Variants in PRTG observed in about 807,000 individuals in gnomAD.
PRTG encodes the protein immunoglobulin superfamily, DCC subclass, member 5.
PRTG carries 67 observed loss-of-function variants against 122.5 expected under a neutral mutation model. The observed-to-expected ratio is 0.55, with a 90% confidence interval of 0.45 to 0.67. The LOEUF (loss-of-function observed/expected upper bound fraction) is 0.67. PRTG is among the 30% of genes least tolerant of loss of function. The pLI, the probability that PRTG is intolerant of heterozygous loss-of-function variation, is 0.00. For synonymous variants in PRTG, 554 were observed against 501.1 expected (o/e 1.11, Z -1.41); for missense variants, 1,435 against 1,415.4 (o/e 1.01, Z -0.22).
chr15:55,637,094 A>C, intron 15 of PRTG, 76 bp downstream of exon 15: 82 of 1,157,434 alleles, frequency 7.1e-5, no homozygotes, highest in Middle Eastern at 3.2e-4. Flanking sequence ...AATAAACTCT[A>C]GATTCCCCTT....
chr15:55,633,139 T>C (rs552378611), intron 15 of PRTG, among the ~76,000 whole-genome samples: 60 of 152,330 alleles, frequency 3.9e-4, no homozygotes, highest in African/African-American at 1.2e-3. Context: ...AATTCATGAA[T>C]TGCTGAGACA....
intron 1 of PRTG, chr15:55,742,539 A>C: frequency 2.9e-6 from 1 of 339,436 alleles, no homozygotes; most frequent in East Asian, 4.8e-5. Flanking sequence ...GAGAAGGAAG[A>C]GACCAGAGTG....
chr15:55,716,299 T>C (rs1281081918), intron 2 of PRTG, among the ~76,000 whole-genome samples: 8 of 152,186 alleles, frequency 5.3e-5, no homozygotes, highest in African/African-American at 1.9e-4. Flanking sequence ...AATAAAATTA[T>C]ATATCAATCA....
chr15:55,677,973 C>A lies in PRTG; in HGVS notation c.1205G>T (p.Gly402Val). Residue 402 changes from glycine (G) to valine (V), a missense_variant, in exon 8 of 20, where the codon GGA becomes GTA. Transcript: ENST00000389286. ...IYQCMAENSQ[G>V]SILSRARLTV... ...CAGTCTGGCTCTAGATAAAATAGAT[C>A]CTTGGCTATTCTCAGCCATGCACTG... 1.2e-6 allele frequency: 2 copies of A among 1,611,736 alleles called. No individual in the cohort carries two copies. The highest frequency in any genetic ancestry group is 1.1e-5 in the South Asian group (1 of 91,036).
chr15:55,734,436 C>T (rs1433410995), intron 2 of PRTG, among the ~76,000 whole-genome samples: 1 of 152,006 alleles, frequency 6.6e-6, no homozygotes, highest in African/African-American at 2.4e-5. Context: ...AATATTGCTT[C>T]AAGAAGTAAG....
Position 55,675,654 on chromosome 15 carries a change from T to A in PRTG, c.1411A>T (p.Ile471Phe). The A allele has an allele frequency of 6.3e-7, 1 of 1,585,264 alleles. No homozygotes were observed. Among genetic ancestry groups the A allele is most frequent in the African/African-American group, 1.3e-5 (1 of 74,426 alleles). The change falls in exon 9 of 20, where the codon ATC becomes TTC. Residue 471 changes from isoleucine to phenylalanine, a missense_variant. Ile to Phe is a conservative substitution (Grantham distance 21). Transcript: ENST00000389286. ...GLNNEEYQVVIGNDTTHYIID... is the reference protein window; with the variant it reads ...GLNNEEYQVVFGNDTTHYIID... Reference sequence around the variant, plus strand: ...ATATAATGAGTTGTGTCATTTCCGATGACTACTTGATACTCTTCATTATTT... The same window carrying A: ...ATATAATGAGTTGTGTCATTTCCGAAGACTACTTGATACTCTTCATTATTT...
chr15:55,690,187 T>C (rs1213903609), intron 2 of PRTG, among the ~76,000 whole-genome samples: 2 of 152,196 alleles, frequency 1.3e-5, no homozygotes, highest in African/African-American at 4.8e-5. Flanking sequence ...AGTCATAAAA[T>C]TCTTGATAAA....
rs1001876253 is a variant in PRTG at position 55,651,498 on chromosome 15, C to G, written c.2042-10290G>C. On this transcript the variant is annotated intron_variant, in intron 11 of 19. Coordinates refer to ENST00000389286, the MANE Select transcript of PRTG (RefSeq NM_173814.6). ...AAGCTTCTATACCATACCTTCCCCCCAATACCATGAAGAGTAAGTACTGCC... is the reference window on the plus strand; with the variant it reads ...AAGCTTCTATACCATACCTTCCCCCGAATACCATGAAGAGTAAGTACTGCC... Among the ~76,000 whole-genome samples the G allele has an allele frequency of 2.6e-5, 4 of 152,236 alleles. No individual in the cohort carries two copies. The East Asian group carries it at 5.8e-4, about 22-fold the overall frequency.
At chr15:55,705,953 T>G (rs956372590) in intron 2 of PRTG, among the ~76,000 whole-genome samples, 35 of 149,758 alleles carry the variant, frequency 2.3e-4, no homozygotes, top group South Asian at 4.2e-4. Context: ...GTTCAAGCGA[T>G]TCCCCTGCCT....
chr15:55,705,386 T>C (rs1324690554), intron 2 of PRTG, among the ~76,000 whole-genome samples: 3 of 152,200 alleles, frequency 2.0e-5, no homozygotes, highest in Admixed American at 6.5e-5. Context: ...TTCCACTTGA[T>C]TGAATATTAC....
intron 2 of PRTG, among the ~76,000 whole-genome samples, chr15:55,732,217 C>A (rs527451390): frequency 2.9e-4 from 44 of 152,300 alleles, no homozygotes; most frequent in African/African-American, 1.0e-3. Context: ...GAGACAGAGT[C>A]TTACTCTGTC....
intron 2 of PRTG, among the ~76,000 whole-genome samples, chr15:55,721,927 T>A (rs191751744): frequency 6.6e-6 from 1 of 152,126 alleles, no homozygotes; most frequent in Admixed American, 6.5e-5. Context: ...TCCCACCAGG[T>A]CCCTCCCACC....
intron 17 of PRTG, among the ~76,000 whole-genome samples, chr15:55,626,550 A>G (rs1031596465): frequency 1.3e-5 from 2 of 151,294 alleles, no homozygotes; most frequent in African/African-American, 4.9e-5. Flanking sequence ...GGAGATCAAG[A>G]CCATCCTGGC....
rs1048062792 is a variant in PRTG, at chr15:55,624,430, T to C, written c.3005A>G (p.Asn1002Ser). The C allele has an allele frequency of 1.4e-5, 22 of 1,613,974 alleles. No individual in the cohort carries two copies. Among genetic ancestry groups the C allele is most frequent in the Non-Finnish European group, 1.9e-5 (22 of 1,179,950 alleles). The change falls in exon 18 of 20, where the codon AAT becomes AGT. Residue 1002 changes from asparagine (N) to serine (S), a missense_variant. By Grantham distance (46) the Asn-to-Ser change is conservative (BLOSUM62 1). Coordinates refer to ENST00000389286, the MANE Select transcript of PRTG (RefSeq NM_173814.6). ...PRTSASLASG[N>S]EVGKNLEGAV... The stretch of plus-strand genomic sequence containing the variant: ...TCCTTCCAGGTTCTTTCCTACCTCA[T>C]TTCCACTAGCTAAGGAGGCACTGGT...
Position 55,613,893 on chromosome 15 carries a change from G to A in PRTG, c.*6119C>T, listed in dbSNP as rs1297722701. On this transcript the variant is annotated 3_prime_UTR_variant, in exon 20 of 20. Transcript: ENST00000389286. ...GCTGTGACTTTTGGCAAGAGATCAG[G>A]AAGCTGTTCCTAATCCCTAAAATGC... 3 of 151,386 alleles carry A rather than the reference G, an allele frequency of 2.0e-5. No individual in the cohort carries two copies. The highest frequency in any genetic ancestry group is 2.9e-5 in the Non-Finnish European group (2 of 67,902). The allele number at this position is 151,386 out of a possible 1,614,324, so 9.4% of individuals were successfully genotyped here. A position where few individuals can be genotyped will look rare whatever the true frequency, so the allele number is the denominator to read the frequency against.
chr15:55,671,646 G>A (rs4412917), intron 11 of PRTG, among the ~76,000 whole-genome samples: 48,886 of 151,938 alleles, frequency 0.32, 10,166 homozygotes, highest in Non-Finnish European at 0.46. Context: ...TTACAGGAGC[G>A]TGCCACCAGG....
chr15:55,740,862 A>C (rs1210737641), intron 1 of PRTG, among the ~76,000 whole-genome samples, 178 bp from the exon 2 acceptor site: 6 of 152,242 alleles, frequency 3.9e-5, no homozygotes, highest in African/African-American at 1.4e-4. Context: ...TCTTTCAACA[A>C]GTCGGAGAAA....
In PRTG at chr15:55,681,244, C is replaced by T. The variant is rs1344992366; in HGVS notation, c.677-616G>A. 3 of 151,886 alleles carry T rather than the reference C, an allele frequency of 2.0e-5. No homozygotes were observed. The East Asian group carries it at 5.8e-4, about 29-fold the overall frequency. The allele number at this position is 151,886 out of a possible 1,614,324, so 9.4% of individuals were successfully genotyped here. A position where few individuals can be genotyped will look rare whatever the true frequency, so the allele number is the denominator to read the frequency against. ...ATTATCTAAAATTTATTTAATTTAC[C>T]TAAAATTAAAGCATAGCATTAAATA... On this transcript the variant is annotated intron_variant, in intron 4 of 19. Coordinates refer to ENST00000389286, the MANE Select transcript of PRTG (RefSeq NM_173814.6).
chr15:55,635,860 G>A (rs924197857), intron 15 of PRTG, among the ~76,000 whole-genome samples: 12 of 152,130 alleles, frequency 7.9e-5, no homozygotes, highest in Admixed American at 6.5e-5. Flanking sequence ...AGAATATAGT[G>A]TATAGGTGGC....
Sources: allele counts gnomAD v4.1 joint callset (sites outside exome capture counted in the v4.1 genomes callset), GRCh38; gene constraint gnomAD v4.1.1; transcripts MANE v1.5; gene names NCBI Gene and HGNC (gene_info 2026-07-23, HGNC 2026-07-21).